Variants in CCAR1 observed in about 807,000 individuals in gnomAD.
CCAR1 encodes cell division cycle and apoptosis regulator protein 1.
Under a neutral mutation model 163.8 loss-of-function variants are expected in CCAR1, and 78 were observed. That is an observed-to-expected ratio of 0.48 (90% confidence interval 0.40 to 0.57). CCAR1 has a LOEUF of 0.57. Ranked by LOEUF, CCAR1 falls within the 20% of genes least tolerant of loss-of-function variation. The pLI, the probability that CCAR1 is intolerant of heterozygous loss-of-function variation, is 0.00. For synonymous variants in CCAR1, 443 were observed against 460.7 expected, an observed-to-expected ratio of 0.96 and a Z score of 0.49; for missense variants, 1,019 against 1,365.2, an observed-to-expected ratio of 0.75 and a Z score of 4.00.
chr10:68,772,466 A>G (rs542790491), intron 18 of CCAR1, among the ~76,000 whole-genome samples: 2 of 151,020 alleles, frequency 1.3e-5, no homozygotes, highest in South Asian at 4.2e-4. Context: ...CTGAGCAACA[A>G]AGTGAGACTG....
chr10:68,754,602 C>G (rs1564539789), intron 11 of CCAR1, 112 bp from the exon 12 acceptor site: 2 of 609,644 alleles, frequency 3.3e-6, no homozygotes, highest in East Asian at 5.7e-5. Context: ...GTATTACTTC[C>G]TATTTTTATT....
At chr10:68,765,048 T>C (rs546337319) in intron 16 of CCAR1, among the ~76,000 whole-genome samples, 12 of 152,360 alleles carry the variant, frequency 7.9e-5, no homozygotes, top group African/African-American at 2.4e-4. Flanking sequence ...AGAGTTCTGC[T>C]CTTACGTTTT....
intron 19 of CCAR1, among the ~76,000 whole-genome samples, chr10:68,773,901 G>GT (rs955312087): frequency 2.0e-4 from 29 of 147,366 alleles, no homozygotes; most frequent in Middle Eastern, 3.4e-3. Flanking sequence ...TTTTTTTGTT[G>GT]TTTTTTTTTC....
At chr10:68,725,250 G>A (rs1174558585) in intron 2 of CCAR1, among the ~76,000 whole-genome samples, 1 of 152,040 alleles carries the variant, frequency 6.6e-6, no homozygotes, top group Non-Finnish European at 1.5e-5. Context: ...ATATCACTGA[G>A]GTCGGGAGTT....
chr10:68,770,468 C>T (rs1173378270), intron 17 of CCAR1, among the ~76,000 whole-genome samples: 1 of 152,132 alleles, frequency 6.6e-6, no homozygotes, highest in African/African-American at 2.4e-5. Context: ...GTTGGCTTCG[C>T]GGGGTGGCTC....
chr10:68,731,112 A>G (rs1245312156), intron 2 of CCAR1, among the ~76,000 whole-genome samples: 3 of 152,254 alleles, frequency 2.0e-5, no homozygotes, highest in Non-Finnish European at 2.9e-5. Flanking sequence ...TTTGACAATC[A>G]TATTGAATGA....
chr10:68,736,785 G>A lies in CCAR1; in HGVS notation c.74-91G>A, dbSNP rs879141526. The A allele has an allele frequency of 1.5e-5, 16 of 1,054,242 alleles. No individual in the cohort carries two copies. In the South Asian group the frequency reaches 2.4e-4, roughly 16 times the overall value. 65.3% of individuals were successfully genotyped at this position (1,054,242 alleles called of 1,614,324 possible). ...TGAATAGTGCTGGAGTGAACATGGGGGTGCGGGTATCTCTTCTATGTACTG... is the reference window on the plus strand; with the variant it reads ...TGAATAGTGCTGGAGTGAACATGGGAGTGCGGGTATCTCTTCTATGTACTG... On this transcript the variant is annotated intron_variant, in intron 2 of 24. Transcript: ENST00000265872.
intron 2 of CCAR1, among the ~76,000 whole-genome samples, chr10:68,723,754 A>C (rs2055896252): frequency 6.6e-6 from 1 of 151,790 alleles, no homozygotes; most frequent in African/African-American, 2.4e-5. Flanking sequence ...ATGCTGAGGC[A>C]GGAGAATGGC....
chr10:68,759,543 C>G (rs2056441987), intron 15 of CCAR1: 1 of 151,336 alleles, frequency 6.6e-6, no homozygotes, highest in African/African-American at 2.4e-5. Context: ...GCCCTGGCAA[C>G]ATACTGAGAC....
At chr10:68,747,348 CTTA>C (rs763717234) in intron 7 of CCAR1, 23 bp from the exon 8 acceptor site, 9 of 1,595,910 alleles carry the variant, frequency 5.6e-6, no homozygotes, top group Non-Finnish European at 7.7e-6. Context: ...GATTTTTTTT[CTTA>C]TTCTTTCATT....
At position 68,789,794 on chromosome 10, in the gene CCAR1, G is replaced by A. The variant is rs1285652109; in HGVS notation, c.3272G>A (p.Ser1091Asn). Residue 1091 changes from serine to asparagine, a missense_variant, in exon 24 of 25, where the codon AGT (serine) becomes AAT (asparagine). Ser to Asn is a conservative substitution (Grantham distance 46). Around this residue, in one of 4 missense-constraint regions of CCAR1, gnomAD observed 358 missense variants for 406.4 expected, o/e 0.88. Coordinates refer to ENST00000265872, the MANE Select transcript of CCAR1 (RefSeq NM_018237.4). Reference sequence around the variant, plus strand: ...CTCAGAGAAGTTAAAAAGGACCTTAGTCAGTTACAAGAAAACTTAAAGATT... The same window carrying A: ...CTCAGAGAAGTTAAAAAGGACCTTAATCAGTTACAAGAAAACTTAAAGATT... ...GELREVKKDL[S>N]QLQENLKISE... is the part of the protein sequence containing the mutation. 6.2e-7 allele frequency: 1 copy of A among 1,607,494 alleles called. No individual in the cohort carries two copies. The highest frequency in any genetic ancestry group is 2.2e-5 in the East Asian group (1 of 44,684).
intron 4 of CCAR1, 43 bp from the exon 5 acceptor site, chr10:68,740,586 C>T (rs1381264060): frequency 6.4e-7 from 1 of 1,553,174 alleles, no homozygotes; most frequent in East Asian, 2.3e-5. Context: ...AGCAACAATT[C>T]TGATTGACCC....
chr10:68,776,899 T>G (rs2056673579), intron 19 of CCAR1, among the ~76,000 whole-genome samples: 1 of 152,200 alleles, frequency 6.6e-6, no homozygotes, highest in Non-Finnish European at 1.5e-5. Flanking sequence ...AACTGTCTAC[T>G]TGACACCTCC....
At chr10:68,744,900 T>TG (rs1469255714) in intron 6 of CCAR1, among the ~76,000 whole-genome samples, 4 of 151,848 alleles carry the variant, frequency 2.6e-5, no homozygotes, top group Admixed American at 2.0e-4. Flanking sequence ...AGTGCAGTGT[T>TG]GCGATCATAG....
intron 17 of CCAR1, among the ~76,000 whole-genome samples, chr10:68,769,100 G>A (rs753572296): frequency 4.6e-5 from 7 of 152,026 alleles, no homozygotes; most frequent in African/African-American, 1.2e-4. Flanking sequence ...TCGACGTCCC[G>A]AGTAGCCCTG....
At position 68,756,322 on chromosome 10, in the gene CCAR1, G is replaced by A; in HGVS notation, c.1675G>A (p.Gly559Arg). The A allele has an allele frequency of 6.2e-7, 1 of 1,614,048 alleles. No homozygotes were observed. Among genetic ancestry groups the A allele is most frequent in the Non-Finnish European group, 8.5e-7 (1 of 1,180,004 alleles). The change falls in exon 14 of 25, where the codon GGG becomes AGG. Residue 559 changes from glycine (G) to arginine (R), a missense_variant. Gly to Arg is a moderately radical substitution (Grantham distance 125, BLOSUM62 -2). Transcript: ENST00000265872. This position sits in a 1 kb window ranked among gnomAD's most constrained non-coding sequence, Gnocchi z 5.1. ...CCATCGCCCTGAGGAGACCCACAAGGGGCGTACAGTTCCAGCTCATGTGGA... is the reference window on the plus strand; with the variant it reads ...CCATCGCCCTGAGGAGACCCACAAGAGGCGTACAGTTCCAGCTCATGTGGA... ...RYHRPEETHK[G>R]RTVPAHVETV... is the part of the protein sequence containing the mutation.
intron 2 of CCAR1, among the ~76,000 whole-genome samples, chr10:68,725,573 A>C (rs1358025112): frequency 1.3e-5 from 2 of 151,782 alleles, no homozygotes; most frequent in African/African-American, 4.8e-5. Context: ...AGAATTTTTT[A>C]CTTGAATGAA....
At chr10:68,769,770 T>A (rs2056579163) in intron 17 of CCAR1, among the ~76,000 whole-genome samples, 1 of 146,602 alleles carries the variant, frequency 6.8e-6, no homozygotes, top group Non-Finnish European at 1.5e-5. Flanking sequence ...TGAAACCTCG[T>A]CTCTACTAAA....
intron 2 of CCAR1, among the ~76,000 whole-genome samples, chr10:68,722,779 G>C (rs747884513): frequency 1.8e-4 from 27 of 151,942 alleles, no homozygotes; most frequent in Non-Finnish European, 3.2e-4. Flanking sequence ...AAAATTAGCC[G>C]GGCCTGGTGG....
Sources: allele counts gnomAD v4.1 joint callset (sites outside exome capture counted in the v4.1 genomes callset), GRCh38; gene constraint gnomAD v4.1.1; regional missense constraint gnomAD v4.1.1; non-coding constraint Gnocchi (gnomAD v3.1); transcripts MANE v1.5; gene names NCBI Gene and HGNC (gene_info 2026-07-23, HGNC 2026-07-21).